The following THRB variants were observed in gnomAD, a reference collection of about 807,000 sequenced individuals.
THRB encodes the protein thyroid hormone receptor beta, also known as nuclear receptor subfamily 1 group A member 2.
Under a neutral mutation model 47.8 loss-of-function variants are expected in THRB, and 12 were observed. The ratio of observed to expected loss-of-function variants is 0.25; its 90% CI spans 0.16 to 0.41. The LOEUF is 0.41. Among genes scored for constraint, THRB ranks in the 10% least tolerant of loss-of-function variants. The pLI is 1.00. For synonymous variants in THRB, 218 were observed against 212.2 expected (o/e 1.03, Z -0.24); for missense variants, 348 against 589.2 (o/e 0.59, Z 4.24).
At chr3:24,284,690 A>AG (rs1457325118) in intron 3 of THRB, among the ~76,000 whole-genome samples, 1 of 149,382 alleles carries the variant, frequency 6.7e-6, no homozygotes, top group Non-Finnish European at 1.5e-5. Flanking sequence ...CATCTGACAA[A>AG]GGGCTAATAT....
At chr3:24,271,682 T>C (rs1269327378) in intron 3 of THRB, among the ~76,000 whole-genome samples, 2 of 152,212 alleles carry the variant, frequency 1.3e-5, no homozygotes, top group African/African-American at 2.4e-5. Flanking sequence ...AAGCTTGTCC[T>C]GGCTATTCCT....
chr3:24,171,131 T>A (rs2683528), intron 5 of THRB, among the ~76,000 whole-genome samples: 39,742 of 152,064 alleles, frequency 0.26, 5,349 homozygotes, highest in Admixed American at 0.35. Flanking sequence ...ACTACTCAAA[T>A]TGAGGAAAGT....
chr3:24,438,085 A>G, intron 1 of THRB, among the ~76,000 whole-genome samples: 1 of 20,170 alleles, frequency 5.0e-5, no homozygotes, highest in African/African-American at 5.8e-5. Context: ...GGGCAGGCAC[A>G]ATTTTTTTTT....
At chr3:24,360,366 T>G (rs2063975862) in intron 1 of THRB, among the ~76,000 whole-genome samples, 1 of 152,152 alleles carries the variant, frequency 6.6e-6, no homozygotes, top group African/African-American at 2.4e-5. Flanking sequence ...AGCATCAGCA[T>G]CACCTAGGAG....
chr3:24,343,833 C>T lies in THRB; in HGVS notation c.-260-6462G>A, dbSNP rs538632324. 5.0e-4 allele frequency among the ~76,000 whole-genome samples: 75 copies of T among 150,392 alleles called. 1 individual carries two copies. In the South Asian group the frequency reaches 0.015, roughly 30 times the overall value. On this transcript the variant is annotated intron_variant, in intron 1 of 10. Coordinates refer to ENST00000646209, the MANE Select transcript of THRB (RefSeq NM_001354712.2). The stretch of plus-strand genomic sequence containing the variant: ...ATTAATATTTATTGTATTGACTGTT[C>T]TTTAGTTTCGTAAAGATCTAGTACC...
intron 3 of THRB, among the ~76,000 whole-genome samples, chr3:24,291,238 C>T (rs1439319297): frequency 6.6e-6 from 1 of 152,188 alleles, no homozygotes; most frequent in Non-Finnish European, 1.5e-5. Flanking sequence ...AGTTTAAAGA[C>T]TTTAGAAGAA....
chr3:24,348,502 A>C (rs551493769), intron 1 of THRB: 2 of 152,218 alleles, frequency 1.3e-5, no homozygotes, highest in African/African-American at 4.8e-5. Flanking sequence ...CTAAAGAGGC[A>C]CAGTTTGTAG....
At chr3:24,146,286 C>T (rs771310952) in intron 7 of THRB, among the ~76,000 whole-genome samples, 15 of 152,220 alleles carry the variant, frequency 9.9e-5, no homozygotes, top group Non-Finnish European at 1.8e-4. Context: ...GGCTCTACCC[C>T]ATGTGAACAC....
chr3:24,215,769 A>T (rs1448845095), intron 4 of THRB, among the ~76,000 whole-genome samples: 1 of 152,188 alleles, frequency 6.6e-6, no homozygotes, highest in Non-Finnish European at 1.5e-5. Flanking sequence ...GAATGAAAGC[A>T]TTGGGCACTA....
At chr3:24,171,472 C>A (rs1002706024) in intron 5 of THRB, among the ~76,000 whole-genome samples, 2 of 152,074 alleles carry the variant, frequency 1.3e-5, no homozygotes, top group Non-Finnish European at 2.9e-5. Context: ...GATATTACAG[C>A]AGGAACTTCT....
intron 1 of THRB, among the ~76,000 whole-genome samples, chr3:24,421,190 C>T (rs993210179): frequency 6.6e-6 from 1 of 151,708 alleles, no homozygotes; most frequent in Non-Finnish European, 1.5e-5. Context: ...GACAGTGGGC[C>T]TATTGGAGGG....
intron 1 of THRB, among the ~76,000 whole-genome samples, chr3:24,455,744 G>A (rs1330576062): frequency 6.6e-6 from 1 of 152,136 alleles, no homozygotes; most frequent in Non-Finnish European, 1.5e-5. Context: ...TTAATAGGCA[G>A]AGAAAAGAGA....
intron 2 of THRB, among the ~76,000 whole-genome samples, chr3:24,322,444 G>C (rs577672343): frequency 2.3e-4 from 35 of 152,312 alleles, no homozygotes; most frequent in African/African-American, 7.5e-4. Flanking sequence ...AGAGTTTATT[G>C]TATTTGCTTT....
chr3:24,210,889 T>C (rs889177173), intron 4 of THRB, among the ~76,000 whole-genome samples: 2 of 152,186 alleles, frequency 1.3e-5, no homozygotes, highest in Admixed American at 6.5e-5. Flanking sequence ...TGTGGACATT[T>C]GTTTTTGGAA....
chr3:24,293,611 C>A (rs1460081188), intron 3 of THRB, among the ~76,000 whole-genome samples: 1 of 152,166 alleles, frequency 6.6e-6, no homozygotes, highest in African/African-American at 2.4e-5. Context: ...GTAATCTATT[C>A]TTTTACCAAC....
At chr3:24,329,539 G>C (rs1395723183) in intron 2 of THRB, among the ~76,000 whole-genome samples, 1 of 152,098 alleles carries the variant, frequency 6.6e-6, no homozygotes, top group East Asian at 1.9e-4. Context: ...TGTTTCTTTG[G>C]TAATTCTTTT....
chr3:24,401,636 C>A (rs2150084250), intron 1 of THRB, among the ~76,000 whole-genome samples: 1 of 152,136 alleles, frequency 6.6e-6, no homozygotes, highest in African/African-American at 2.4e-5. Context: ...AGTGTTCTTA[C>A]TGCATTTCTA....
chr3:24,375,680 G>A (rs1253470221), intron 1 of THRB, among the ~76,000 whole-genome samples: 1 of 151,548 alleles, frequency 6.6e-6, no homozygotes, highest in African/African-American at 2.4e-5. Context: ...AATAACAAGA[G>A]TGGAATATAT....
chr3:24,133,092 T>G (rs1006181784), intron 9 of THRB, among the ~76,000 whole-genome samples: 1 of 152,196 alleles, frequency 6.6e-6, no homozygotes. Context: ...GGGGGATGAA[T>G]AGGATCTTGA....
Sources: gnomAD v4.1 joint callset for allele counts (sites outside exome capture counted in the v4.1 genomes callset) on GRCh38, gnomAD v4.1.1 for gene constraint, MANE v1.5 for transcripts, NCBI Gene and HGNC (gene_info 2026-07-23, HGNC 2026-07-21) for gene names.